Variants in LINGO2 observed in about 807,000 individuals in gnomAD.
LINGO2 encodes leucine rich repeat and Ig domain containing 2.
LINGO2 carries 14 observed loss-of-function variants against 30.6 expected under a neutral mutation model. The observed-to-expected ratio is 0.46, with a 90% confidence interval of 0.30 to 0.72. The LOEUF (loss-of-function observed/expected upper bound fraction) is 0.72. Ranked by LOEUF, LINGO2 falls within the 30% of genes least tolerant of loss-of-function variation. LINGO2 has a pLI of 0.07. For synonymous variants in LINGO2, 317 were observed against 288.5 expected (o/e 1.10, Z -1.00); for missense variants, 729 against 751.7 (o/e 0.97, Z 0.35).
chr9:27,938,803 T>C, the LINGO2 span: 1 of 152,220 alleles, frequency 6.6e-6, no homozygotes, highest in African/African-American at 2.4e-5. Context: ...ATTACTATGA[T>C]AATGGATACT....
At chr9:28,759,929 C>T in the LINGO2 span, among the ~76,000 whole-genome samples, 18 of 152,122 alleles carry the variant, frequency 1.2e-4, no homozygotes, top group African/African-American at 4.1e-4. Flanking sequence ...GTCCAATAAA[C>T]ACCATCATCT....
intron 1 of LINGO2, among the ~76,000 whole-genome samples, chr9:28,571,864 A>G (rs1342116557): frequency 1.3e-5 from 2 of 152,098 alleles, no homozygotes; most frequent in Non-Finnish European, 2.9e-5. Flanking sequence ...CTCACAGAGG[A>G]ACAGATCGGC....
intron 4 of LINGO2, among the ~76,000 whole-genome samples, chr9:28,041,477 G>A (rs1439572595): frequency 6.6e-6 from 1 of 152,228 alleles, no homozygotes; most frequent in East Asian, 1.9e-4. Flanking sequence ...ATATAGAGGG[G>A]TGCTGGGTAT....
the LINGO2 span, among the ~76,000 whole-genome samples, chr9:28,904,909 A>T: frequency 6.6e-6 from 1 of 152,076 alleles, no homozygotes; most frequent in African/African-American, 2.4e-5. Flanking sequence ...AATGAAGCTT[A>T]CTGGCAGAAG....
intron 4 of LINGO2, among the ~76,000 whole-genome samples, chr9:28,206,232 A>T (rs1820407405): frequency 6.6e-6 from 1 of 151,190 alleles, no homozygotes; most frequent in Non-Finnish European, 1.5e-5. Flanking sequence ...TGAGTGTTTG[A>T]CCTATAAAGT....
At chr9:29,118,510 T>C in the LINGO2 span, among the ~76,000 whole-genome samples, 2 of 152,124 alleles carry the variant, frequency 1.3e-5, no homozygotes, top group Non-Finnish European at 2.9e-5. Context: ...CAAAACTGCC[T>C]TTGTAGAAGC....
chr9:29,195,522 A>G, the LINGO2 span, among the ~76,000 whole-genome samples: 2 of 152,108 alleles, frequency 1.3e-5, no homozygotes, highest in Non-Finnish European at 2.9e-5. Context: ...AGAAACTTTC[A>G]TACTGTTTTC....
the LINGO2 span, among the ~76,000 whole-genome samples, chr9:28,944,474 C>T: frequency 6.6e-6 from 1 of 152,240 alleles, no homozygotes; most frequent in East Asian, 1.9e-4. Context: ...GGCATGATCT[C>T]GGCTCATTGC....
the LINGO2 span, among the ~76,000 whole-genome samples, chr9:29,195,427 A>T: frequency 6.6e-6 from 1 of 151,982 alleles, no homozygotes; most frequent in Non-Finnish European, 1.5e-5. Context: ...TTTCTGGGTC[A>T]TACATTAAGG....
At chr9:28,406,377 G>C (rs1040264464) in intron 2 of LINGO2, among the ~76,000 whole-genome samples, 1 of 152,018 alleles carries the variant, frequency 6.6e-6, no homozygotes, top group Non-Finnish European at 1.5e-5. Flanking sequence ...AGGTTGCAGT[G>C]AGCCAAGATT....
the LINGO2 span, among the ~76,000 whole-genome samples, chr9:29,018,362 C>T: frequency 2.7e-4 from 41 of 151,932 alleles, no homozygotes; most frequent in Admixed American, 1.7e-3. Flanking sequence ...ATTATGCTCA[C>T]TTCCTGGGTG....
At chr9:28,625,883 TA>T (rs1326009336) in intron 1 of LINGO2, among the ~76,000 whole-genome samples, 2 of 152,008 alleles carry the variant, frequency 1.3e-5, no homozygotes, top group East Asian at 1.9e-4. Context: ...AATTTAATCT[TA>T]AAAAATATAT....
At chr9:28,726,980 G>A in the LINGO2 span, among the ~76,000 whole-genome samples, 4 of 152,080 alleles carry the variant, frequency 2.6e-5, no homozygotes, top group South Asian at 2.1e-4. Flanking sequence ...AGATTGAGGA[G>A]GAGAGGAGAG....
chr9:29,050,902 C>A, the LINGO2 span, among the ~76,000 whole-genome samples: 3 of 152,080 alleles, frequency 2.0e-5, no homozygotes, highest in African/African-American at 7.2e-5. Context: ...TGGTTCCAGC[C>A]AATTAGTATA....
intron 4 of LINGO2, among the ~76,000 whole-genome samples, chr9:28,177,019 T>C (rs1366597915): frequency 6.6e-6 from 1 of 152,200 alleles, no homozygotes; most frequent in African/African-American, 2.4e-5. Flanking sequence ...TCTGATTTGA[T>C]TGCGATAGCA....
At chr9:28,699,302 C>G in the LINGO2 span, among the ~76,000 whole-genome samples, 1 of 151,840 alleles carries the variant, frequency 6.6e-6, no homozygotes, top group East Asian at 1.9e-4. Flanking sequence ...TCAGGGACCC[C>G]GAATGAAGGG....
chr9:28,920,369 T>C, the LINGO2 span, among the ~76,000 whole-genome samples: 1 of 152,026 alleles, frequency 6.6e-6, no homozygotes, highest in African/African-American at 2.4e-5. Flanking sequence ...ATTTCCTCTT[T>C]TGAACAGGGA....
chr9:28,590,326 G>C (rs1824812742), intron 1 of LINGO2, among the ~76,000 whole-genome samples: 1 of 152,020 alleles, frequency 6.6e-6, no homozygotes, highest in Non-Finnish European at 1.5e-5. Flanking sequence ...AAACTAAAGA[G>C]CTTCTGCACA....
chr9:29,122,652 C>T, the LINGO2 span, among the ~76,000 whole-genome samples: 2 of 152,102 alleles, frequency 1.3e-5, no homozygotes, highest in Non-Finnish European at 2.9e-5. Context: ...TTAAAATCTA[C>T]ATTTTTCTTA....
Sources: gnomAD v4.1 joint callset for allele counts (sites outside exome capture counted in the v4.1 genomes callset) on GRCh38, gnomAD v4.1.1 for gene constraint, MANE v1.5 for transcripts, NCBI Gene and HGNC (gene_info 2026-07-23, HGNC 2026-07-21) for gene names.